ENPEP: variants seen among roughly 807,000 people sequenced by gnomAD.
The protein encoded by ENPEP is AP-A.
A neutral mutation model predicts 114.5 loss-of-function variants in ENPEP; 103 were observed. The observed-to-expected ratio is 0.90, with a 90% confidence interval of 0.77 to 1.06. The LOEUF (loss-of-function observed/expected upper bound fraction) is 1.06. Ranked by LOEUF, ENPEP falls within the 50% of genes least tolerant of loss-of-function variation. The pLI, the probability that ENPEP is intolerant of heterozygous loss-of-function variation, is 0.00. For synonymous variants in ENPEP, 420 were observed against 422.0 expected, an observed-to-expected ratio of 1.00 and a Z score of 0.06; for missense variants, 1,196 against 1,161.3, an observed-to-expected ratio of 1.03 and a Z score of -0.43.
intron 2 of ENPEP, 45 bp from the exon 3 acceptor site, chr4:110,490,988 G>A: frequency 6.3e-7 from 1 of 1,582,292 alleles, no homozygotes; most frequent in Non-Finnish European, 8.6e-7. Flanking sequence ...GCATATATAT[G>A]ATTGATATTT....
chr4:110,490,268 C>G (rs527754797), intron 2 of ENPEP, among the ~76,000 whole-genome samples: 5 of 152,176 alleles, frequency 3.3e-5, no homozygotes, highest in South Asian at 2.1e-4. Context: ...GGAGCCCCAC[C>G]ACGATTATAC....
intron 2 of ENPEP, 49 bp downstream of exon 2, chr4:110,488,731 A>T: frequency 6.4e-7 from 1 of 1,558,004 alleles, no homozygotes; most frequent in Non-Finnish European, 8.7e-7. Context: ...TGTTGACAAC[A>T]TTAGGCCAGT....
chr4:110,522,424 A>G (rs1358623761), intron 10 of ENPEP, among the ~76,000 whole-genome samples: 1 of 152,030 alleles, frequency 6.6e-6, no homozygotes, highest in Non-Finnish European at 1.5e-5. Context: ...CTCATGATCC[A>G]TGCACATTGG....
At chr4:110,530,042 C>T (rs1726345731) in intron 10 of ENPEP, among the ~76,000 whole-genome samples, 1 of 151,654 alleles carries the variant, frequency 6.6e-6, no homozygotes, top group Non-Finnish European at 1.5e-5. Flanking sequence ...TGCCATTGCA[C>T]TCCAGCCTGG....
chr4:110,535,665 ATC>A (rs1277260887), intron 11 of ENPEP, among the ~76,000 whole-genome samples: 1 of 152,242 alleles, frequency 6.6e-6, no homozygotes, highest in Non-Finnish European at 1.5e-5. Flanking sequence ...CTAATTAGGT[ATC>A]TCTTTCCAGG....
intron 8 of ENPEP, 62 bp from the exon 9 acceptor site, chr4:110,519,945 CT>C: frequency 6.8e-7 from 1 of 1,478,066 alleles, no homozygotes; most frequent in South Asian, 1.2e-5. Context: ...TTCAGTTCAT[CT>C]TGTGAAAGTA....
chr4:110,560,689 T>G (rs950923424), intron 19 of ENPEP, among the ~76,000 whole-genome samples: 12 of 152,184 alleles, frequency 7.9e-5, no homozygotes, highest in African/African-American at 2.7e-4. Context: ...TGGTCAAGAT[T>G]TGATTCCATT....
intron 6 of ENPEP, among the ~76,000 whole-genome samples, 193 bp downstream of exon 6, chr4:110,510,551 G>A (rs1232322379): frequency 6.7e-6 from 1 of 149,694 alleles, no homozygotes; most frequent in African/African-American, 2.5e-5. Context: ...AAGGGCAGCT[G>A]ATCATCACAA....
intron 11 of ENPEP, chr4:110,533,090 T>A (rs761513975): frequency 8.8e-6 from 4 of 452,960 alleles, no homozygotes; most frequent in South Asian, 6.3e-5. Flanking sequence ...CCATAGTTAA[T>A]TGAGGATTGG....
chr4:110,513,504 C>G lies in ENPEP; in HGVS notation c.1398C>G (p.Thr466=), dbSNP rs1404606319. ...ATCCAATTATTGTGACTGTGACAAC[C>G]CCTGATGAAATAACATCTGTTTTTG... The part of the protein sequence containing the change: ...SSHPIIVTVT[T]PDEITSVFDG... The change falls in exon 7 of 20, where the codon ACC becomes ACG. Residue 466 remains threonine, a synonymous_variant. Transcript: ENST00000265162. 3 of 1,613,336 alleles carry G rather than the reference C, an allele frequency of 1.9e-6. No individual in the cohort carries two copies. The highest frequency in any genetic ancestry group is 1.7e-6 in the Non-Finnish European group (2 of 1,179,546).
chr4:110,543,920 C>T (rs1726949265), intron 13 of ENPEP, among the ~76,000 whole-genome samples: 1 of 151,912 alleles, frequency 6.6e-6, no homozygotes, highest in Non-Finnish European at 1.5e-5. Flanking sequence ...GCATTTCACC[C>T]ATCAAACTGA....
chr4:110,491,032 GA>G lies in ENPEP; in HGVS notation c.789del (p.Glu264LysfsTer19), dbSNP rs1560552283. ...AAAAGTTTATCTTTTCTTTTCAATA[GA>G]AAGAAGAGTCAGTGGATGATAAATG... ...YGALSNMPVAKEESVDDKWTR... is the reference protein window; with the variant it reads ...YGALSNMPVAXEESVDDKWTR... On this transcript the variant is annotated frameshift_variant and splice_region_variant, in exon 3 of 20. Transcript: ENST00000265162. LOFTEE classifies it high-confidence loss of function. 1 of 1,602,974 alleles carries G rather than the reference GA, an allele frequency of 6.2e-7. No individual in the cohort carries two copies. Among genetic ancestry groups the G allele is most frequent in the East Asian group, 2.2e-5 (1 of 44,772 alleles).
intron 11 of ENPEP, among the ~76,000 whole-genome samples, chr4:110,536,019 A>T (rs1457844728): frequency 1.3e-5 from 2 of 148,484 alleles, no homozygotes; most frequent in Non-Finnish European, 3.0e-5. Context: ...AAGCAGGAGA[A>T]TTGCTTGAAC....
In ENPEP at chr4:110,538,328, C is replaced by T. The variant is rs544399286; in HGVS notation, c.1808-4423C>T. Among the ~76,000 whole-genome samples, 84 of 152,310 alleles carry T rather than the reference C, an allele frequency of 5.5e-4. 1 individual carries two copies. Among genetic ancestry groups the T allele is most frequent in the Admixed American group, 4.2e-3 (65 of 15,298 alleles). On this transcript the variant is annotated intron_variant, in intron 11 of 19. Transcript: ENST00000265162. ...ACTTGCTTTAACTTCTATATCAACA[C>T]TTGCTGCTTCACCTTGAACTTTTAT...
chr4:110,526,009 T>A (rs1476609109), intron 10 of ENPEP, among the ~76,000 whole-genome samples: 1 of 151,976 alleles, frequency 6.6e-6, no homozygotes, highest in Non-Finnish European at 1.5e-5. Flanking sequence ...GGCGTGGTGG[T>A]TCATGCCTGT....
chr4:110,559,762 G>A, intron 19 of ENPEP, 37 bp downstream of exon 19: 3 of 1,544,772 alleles, frequency 1.9e-6, no homozygotes, highest in Non-Finnish European at 2.7e-6. Context: ...GTCCAAGAAG[G>A]AGCAGAATGA....
intron 17 of ENPEP, among the ~76,000 whole-genome samples, chr4:110,550,928 T>C (rs1261925188): frequency 6.6e-6 from 1 of 151,914 alleles, no homozygotes; most frequent in Non-Finnish European, 1.5e-5. Flanking sequence ...ATATTAATTC[T>C]CCTGCTCTCT....
In ENPEP at chr4:110,542,794, C is replaced by T. The variant is rs768565894; in HGVS notation, c.1851C>T (p.Leu617=). Reference sequence around the variant, plus strand: ...CTAATCCTAGTGGAAATGCTTTTCTCAAAATAAACCCAGATCATATTGGGT... The same window carrying T: ...CTAATCCTAGTGGAAATGCTTTTCTTAAAATAAACCCAGATCATATTGGGT... ...NSSNPSGNAF[L]KINPDHIGFY... is the part of the protein sequence containing the mutation. The change falls in exon 12 of 20, where the codon CTC becomes CTT. Residue 617 remains leucine, a synonymous_variant. Transcript: ENST00000265162. 1 of 1,612,852 alleles carries T rather than the reference C, an allele frequency of 6.2e-7. No individual in the cohort carries two copies. The highest frequency in any genetic ancestry group is 1.7e-5 in the Admixed American group (1 of 59,916).
In ENPEP at chr4:110,513,492, G is replaced by T; in HGVS notation, c.1386G>T (p.Val462=). 6.2e-7 allele frequency: 1 copy of T among 1,613,482 alleles called. No individual in the cohort carries two copies. Among genetic ancestry groups the T allele is most frequent in the South Asian group, 1.1e-5 (1 of 91,032 alleles). Residue 462 remains valine (V), a synonymous_variant, in exon 7 of 20, where the codon GTG becomes GTT. Coordinates refer to ENST00000265162, the MANE Select transcript of ENPEP (RefSeq NM_001977.4). ...DSLMSSHPII[V]TVTTPDEITS... ...TGATGTCTTCGCATCCAATTATTGT[G>T]ACTGTGACAACCCCTGATGAAATAA...
Sources: allele counts gnomAD v4.1 joint callset (sites outside exome capture counted in the v4.1 genomes callset), GRCh38; gene constraint gnomAD v4.1.1; transcripts MANE v1.5; gene names NCBI Gene and HGNC (gene_info 2026-07-23, HGNC 2026-07-21).